The following MSI1 variants were observed in gnomAD, a reference collection of about 807,000 sequenced individuals.
The protein encoded by MSI1 is musashi RNA binding protein 1.
Under a neutral mutation model 54.4 loss-of-function variants are expected in MSI1, and 15 were observed. That is an observed-to-expected ratio of 0.28 (90% CI 0.18 to 0.42). The LOEUF is 0.42. MSI1 is among the 20% of genes least tolerant of loss of function. The pLI is 1.00. For missense variants in MSI1, 304 were observed against 506.0 expected (o/e 0.60, Z 3.83); for synonymous variants, 200 against 196.5 (o/e 1.02, Z -0.15).
intron 14 of MSI1, among the ~76,000 whole-genome samples, chr12:120,343,842 C>T (rs1273935080): frequency 2.0e-5 from 3 of 151,994 alleles, no homozygotes; most frequent in Non-Finnish European, 4.4e-5. Context: ...CACAGTCCCA[C>T]AAGTCGAGGT....
intron 11 of MSI1, among the ~76,000 whole-genome samples, chr12:120,348,658 C>T (rs1422525648): frequency 1.3e-5 from 2 of 151,308 alleles, no homozygotes; most frequent in Admixed American, 6.6e-5. Flanking sequence ...CCGAGGCGGG[C>T]GGATCACCTG....
intron 6 of MSI1, 134 bp from the exon 7 acceptor site, chr12:120,359,187 G>T: frequency 9.6e-7 from 1 of 1,045,192 alleles, no homozygotes; most frequent in South Asian, 1.5e-5. Context: ...CCTGCACAGG[G>T]GACAACTTTC....
chr12:120,356,614 A>AATGGACAGATGGAGGGATGG (rs1163362499), intron 9 of MSI1, among the ~76,000 whole-genome samples: 2 of 152,212 alleles, frequency 1.3e-5, no homozygotes, highest in Non-Finnish European at 2.9e-5. Context: ...TGGATAGAGG[A>AATGGACAGATGGAGGGATGG]ATGGACAGAT....
intron 10 of MSI1, among the ~76,000 whole-genome samples, chr12:120,353,026 T>C (rs1874764776): frequency 6.8e-6 from 1 of 148,042 alleles, no homozygotes; most frequent in Non-Finnish European, 1.5e-5. Flanking sequence ...TGGAGTCGGG[T>C]GGGGAGGAGA....
intron 9 of MSI1, among the ~76,000 whole-genome samples, chr12:120,356,207 C>T (rs574946061): frequency 3.9e-5 from 6 of 152,306 alleles, no homozygotes; most frequent in African/African-American, 1.4e-4. Flanking sequence ...CCCATGAGAG[C>T]AGGCTCTCCT....
chr12:120,347,649 C>T, intron 11 of MSI1, 135 bp from the exon 12 acceptor site: 1 of 1,026,478 alleles, frequency 9.7e-7, no homozygotes, highest in Non-Finnish European at 1.5e-6. Context: ...AGGGTCAAGG[C>T]AGAAAAGGCT....
Position 120,368,701 on chromosome 12 carries a change from C to CT in MSI1, c.100+131_100+132insA. 2 of 809,968 alleles carry CT rather than the reference C, an allele frequency of 2.5e-6. No individual in the cohort carries two copies. Among genetic ancestry groups the CT allele is most frequent in the African/African-American group, 1.8e-5 (1 of 54,718 alleles). 50.2% of individuals were successfully genotyped at this position (809,968 alleles called of 1,614,324 possible). On this transcript the variant is annotated intron_variant, in intron 2 of 14. Coordinates refer to ENST00000257552, the MANE Select transcript of MSI1 (RefSeq NM_002442.4). The surrounding 1 kb of genome is among the most constrained non-coding windows in gnomAD (Gnocchi z 6.6). Reference sequence around the variant, plus strand: ...GCCCTGCGCTCTCGGGGTCTCCGGGCGGGGCGCGAAAGAGGGCGCGAGGGC... The same window carrying CT: ...GCCCTGCGCTCTCGGGGTCTCCGGGCTGGGGCGCGAAAGAGGGCGCGAGGGC...
intron 6 of MSI1, chr12:120,361,497 C>T (rs1022566588): frequency 6.6e-6 from 1 of 152,232 alleles, no homozygotes; most frequent in Non-Finnish European, 1.5e-5. Flanking sequence ...CCGGTGTCCC[C>T]TCCTGGGGCG....
chr12:120,340,920 C>T (rs1873644327), downstream of MSI1, among the ~76,000 whole-genome samples: 1 of 141,502 alleles, frequency 7.1e-6, no homozygotes, highest in Non-Finnish European at 1.5e-5. Context: ...CAGAGTCTCA[C>T]TCTCACCCAG....
intron 14 of MSI1, among the ~76,000 whole-genome samples, chr12:120,343,397 T>C (rs533231720): frequency 2.0e-4 from 31 of 152,162 alleles, no homozygotes; most frequent in African/African-American, 7.0e-4. Flanking sequence ...CTCATTTTTG[T>C]TGTTGTAGCA....
intron 7 of MSI1, among the ~76,000 whole-genome samples, chr12:120,358,687 C>T (rs1341113302): frequency 2.7e-5 from 4 of 147,970 alleles, no homozygotes; most frequent in Non-Finnish European, 4.4e-5. Flanking sequence ...CCTGGGCGGC[C>T]TGGCCTAAGC....
At position 120,359,031 on chromosome 12, in the gene MSI1, A is replaced by T. The variant is rs375673859; in HGVS notation, c.425T>A (p.Phe142Tyr). The change falls in exon 7 of 15, where the codon TTT (phenylalanine) becomes TAT (tyrosine). Residue 142 changes from phenylalanine (F) to tyrosine (Y), a missense_variant. Phe to Tyr is a conservative substitution (Grantham distance 22, BLOSUM62 3). This residue lies in a region of MSI1 where 105 missense variants were observed against 230.1 expected (regional missense o/e 0.46). Coordinates refer to ENST00000257552, the MANE Select transcript of MSI1 (RefSeq NM_002442.4). ...FGKVDDAMLM[F>Y]DKTTNRHRGF... ...TCGGTGCCGGTTGGTGGTTTTGTCAAACATCAGCATGGCGTCGTCCACCTG... is the reference window on the plus strand; with the variant it reads ...TCGGTGCCGGTTGGTGGTTTTGTCATACATCAGCATGGCGTCGTCCACCTG... The T allele has an allele frequency of 6.6e-5, 103 of 1,562,900 alleles. No homozygotes were observed. Among genetic ancestry groups the T allele is most frequent in the Non-Finnish European group, 1.1e-5 (13 of 1,153,412 alleles).
rs189578125 is a variant in MSI1, at chr12:120,352,890, C to A, written c.733+409G>T. Among the ~76,000 whole-genome samples the A allele has an allele frequency of 8.5e-5, 13 of 152,298 alleles. 1 individual carries two copies. In the East Asian group the frequency reaches 2.5e-3, roughly 29 times the overall value. On this transcript the variant is annotated intron_variant, in intron 10 of 14. Transcript: ENST00000257552. ...TTAGGGTCTCAGCATAATACCTTGT[C>A]TGGACTTGAAAGAGCTCAGCCTAGA...
Position 120,368,870 on chromosome 12 carries a change from C to G in MSI1, c.63G>C (p.Lys21Asn). 1 of 1,470,918 alleles carries G rather than the reference C, an allele frequency of 6.8e-7. No homozygotes were observed. The highest frequency in any genetic ancestry group is 9.1e-7 in the Non-Finnish European group (1 of 1,100,824). 91.1% of individuals were successfully genotyped at this position (1,470,918 alleles called of 1,614,324 possible). A position where few individuals can be genotyped will look rare whatever the true frequency, so the allele number is the denominator to read the frequency against. Residue 21 changes from lysine to asparagine, a missense_variant, in exon 2 of 15, where the codon AAG (lysine) becomes AAC (asparagine). Physicochemically the swap from Lys to Asn is moderately conservative, Grantham distance 94. Around this residue, in one of 4 missense-constraint regions of MSI1, gnomAD observed 30 missense variants for 24.8 expected, o/e 1.21. Coordinates refer to ENST00000257552, the MANE Select transcript of MSI1 (RefSeq NM_002442.4). The surrounding 1 kb of genome is among the most constrained non-coding windows in gnomAD (Gnocchi z 6.6). ...GCCAACTGAGTCCCCCGATGAACAT[C>G]TTGCTGCGGGAGGAGGAGAGACACA... Reference protein sequence around the residue: ...ASPDSPHDPCKMFIGGLSWQT... With the variant: ...ASPDSPHDPCNMFIGGLSWQT...
chr12:120,366,864 C>T (rs942993598), intron 4 of MSI1, among the ~76,000 whole-genome samples: 7 of 152,160 alleles, frequency 4.6e-5, no homozygotes, highest in Non-Finnish European at 2.9e-5. Context: ...TCAGCTTCCT[C>T]AGCACTGCAG....
At chr12:120,366,225 A>C (rs1315694417) in intron 4 of MSI1, among the ~76,000 whole-genome samples, 5 of 151,900 alleles carry the variant, frequency 3.3e-5, no homozygotes, top group African/African-American at 1.2e-4. Context: ...TCTGTTCAAA[A>C]CTCAGCCTCG....
intron 7 of MSI1, 43 bp from the exon 8 acceptor site, chr12:120,357,941 C>A (rs369938683): frequency 6.3e-7 from 1 of 1,583,262 alleles, no homozygotes; most frequent in East Asian, 2.2e-5. Flanking sequence ...AGAACCAGAG[C>A]GCAGGGTCAA....
At chr12:120,354,314 C>T (rs1874887607) in intron 9 of MSI1, among the ~76,000 whole-genome samples, 1 of 152,164 alleles carries the variant, frequency 6.6e-6, no homozygotes, top group Non-Finnish European at 1.5e-5. Context: ...GATTTTCTGT[C>T]TTCTCAAAGA....
intron 4 of MSI1, among the ~76,000 whole-genome samples, chr12:120,367,549 G>A (rs1316235936): frequency 6.6e-6 from 1 of 152,158 alleles, no homozygotes; most frequent in Non-Finnish European, 1.5e-5. Context: ...AGGAGGGAAG[G>A]AGAGAGGGAG....
Sources: gnomAD v4.1 joint callset for allele counts (sites outside exome capture counted in the v4.1 genomes callset) on GRCh38, gnomAD v4.1.1 for gene constraint, gnomAD v4.1.1 regional missense constraint, Gnocchi (gnomAD v3.1) non-coding constraint, MANE v1.5 for transcripts, NCBI Gene and HGNC (gene_info 2026-07-23, HGNC 2026-07-21) for gene names.